Variants in GNB1L observed in about 807,000 individuals in gnomAD.
GNB1L encodes the protein guanine nucleotide-binding protein subunit beta-like protein 1.
In GNB1L, 20 loss-of-function variants were observed where a neutral mutation model predicts 29.1. The ratio of observed to expected loss-of-function variants is 0.69; its 90% confidence interval spans 0.48 to 1.00. The LOEUF is 1.00. Among genes scored for constraint, GNB1L ranks in the 50% least tolerant of loss-of-function variants. The pLI, the probability that GNB1L is intolerant of heterozygous loss-of-function variation, is 0.00. For synonymous variants in GNB1L, 193 were observed against 206.5 expected, an observed-to-expected ratio of 0.93 and a Z score of 0.56; for missense variants, 421 against 464.9, an observed-to-expected ratio of 0.91 and a Z score of 0.87.
In GNB1L at chr22:19,784,955, G is replaced by C. The variant is rs1235353792; in HGVS notation, c.*3754C>G. ...CACCACCAGGCGGACAGTGCCCAGG[G>C]CTGGGGCTCACAGCCACGAGAATCT... On this transcript the variant is annotated 3_prime_UTR_variant, in exon 8 of 8. Transcript: ENST00000329517. The C allele has an allele frequency of 6.6e-6, 1 of 152,308 alleles. No individual in the cohort carries two copies. The allele number at this position is 152,308 out of a possible 1,614,324, so 9.4% of individuals were successfully genotyped here. A position where few individuals can be genotyped will look rare whatever the true frequency, so the allele number is the denominator to read the frequency against.
chr22:19,835,377 A>T (rs1048385908), intron 2 of GNB1L, among the ~76,000 whole-genome samples: 5 of 125,082 alleles, frequency 4.0e-5, no homozygotes, highest in African/African-American at 1.6e-4. Flanking sequence ...AAAATGTAAA[A>T]AAAAAAAAAA....
chr22:19,815,871 G>A (rs892588481), intron 4 of GNB1L, among the ~76,000 whole-genome samples: 2 of 152,198 alleles, frequency 1.3e-5, no homozygotes, highest in African/African-American at 4.8e-5. Flanking sequence ...ACTGTGCCCA[G>A]CTTAACTTTT....
In GNB1L at chr22:19,812,281, T is replaced by G. The variant is rs1569044245; in HGVS notation, c.417+4A>C. ...CATGGGGCCTCAGGCAGGCTGGCTC[T>G]CACCTCGTCGCTGCCCCTCCCTGGC... On this transcript the variant is annotated splice_donor_region_variant and intron_variant, in intron 5 of 7. Coordinates refer to ENST00000329517, the MANE Select transcript of GNB1L (RefSeq NM_053004.3). 6.2e-7 allele frequency: 1 copy of G among 1,611,588 alleles called. No individual in the cohort carries two copies. Among genetic ancestry groups the G allele is most frequent in the African/African-American group, 1.3e-5 (1 of 74,926 alleles).
chr22:19,793,612 A>T (rs1937275424), intron 7 of GNB1L, among the ~76,000 whole-genome samples: 2 of 152,224 alleles, frequency 1.3e-5, no homozygotes, highest in Admixed American at 1.3e-4. Context: ...AAATCTATCT[A>T]GGCACATGAT....
intron 2 of GNB1L, among the ~76,000 whole-genome samples, chr22:19,823,530 G>C (rs1181174700): frequency 6.6e-6 from 1 of 152,188 alleles, no homozygotes; most frequent in Non-Finnish European, 1.5e-5. Flanking sequence ...GCTCCAAGAG[G>C]AGCCAAAGAA....
chr22:19,823,723 C>A (rs1266562323), intron 2 of GNB1L, among the ~76,000 whole-genome samples: 1 of 152,188 alleles, frequency 6.6e-6, no homozygotes, highest in Non-Finnish European at 1.5e-5. Context: ...CACACACATG[C>A]ACATGGTGCA....
chr22:19,851,254 T>TC, intron 2 of GNB1L: 6 of 1,608,168 alleles, frequency 3.7e-6, no homozygotes, highest in Non-Finnish European at 5.1e-6. Flanking sequence ...CCTCCTGGTC[T>TC]CCCTCTGTCT....
intron 2 of GNB1L, among the ~76,000 whole-genome samples, chr22:19,838,978 C>T (rs933481925): frequency 6.6e-6 from 1 of 152,200 alleles, no homozygotes; most frequent in South Asian, 2.1e-4. Context: ...GAATACTATT[C>T]TGCAACAGAA....
At chr22:19,794,358 C>A (rs1937283339) in intron 7 of GNB1L, among the ~76,000 whole-genome samples, 1 of 152,142 alleles carries the variant, frequency 6.6e-6, no homozygotes, top group Non-Finnish European at 1.5e-5. Context: ...AGGGATTGCA[C>A]CAGCACAAGG....
chr22:19,834,286 ACT>A (rs1937728065), intron 2 of GNB1L, among the ~76,000 whole-genome samples: 1 of 152,186 alleles, frequency 6.6e-6, no homozygotes, highest in Non-Finnish European at 1.5e-5. Context: ...AAAGAAAACA[ACT>A]CTATATCTAG....
chr22:19,800,708 CG>C (rs1253418988), intron 7 of GNB1L, among the ~76,000 whole-genome samples: 1 of 150,632 alleles, frequency 6.6e-6, no homozygotes, highest in Non-Finnish European at 1.5e-5. Context: ...GGACAGCTGA[CG>C]GATGGGTGAG....
At chr22:19,820,533 C>A in intron 4 of GNB1L, 65 bp downstream of exon 4, 1 of 1,531,142 alleles carries the variant, frequency 6.5e-7, no homozygotes. Flanking sequence ...GACACCAGAG[C>A]CTCCATCAGA....
chr22:19,833,689 C>T (rs980953254), intron 2 of GNB1L, among the ~76,000 whole-genome samples: 26 of 151,954 alleles, frequency 1.7e-4, no homozygotes, highest in Middle Eastern at 3.4e-3. Context: ...CATGGTGAAA[C>T]CCTGACTCTA....
At chr22:19,789,510 G>A (rs551276280) in intron 7 of GNB1L, among the ~76,000 whole-genome samples, 6 of 151,988 alleles carry the variant, frequency 3.9e-5, no homozygotes, top group East Asian at 1.9e-4. Flanking sequence ...GGCAGGATGA[G>A]GGGGGGACAA....
At chr22:19,804,214 C>G (rs1025303872) in intron 6 of GNB1L, among the ~76,000 whole-genome samples, 1 of 152,272 alleles carries the variant, frequency 6.6e-6, no homozygotes, top group Non-Finnish European at 1.5e-5. Context: ...TGCCTGACCT[C>G]TGCAGGGGAG....
chr22:19,804,525 A>C (rs191874375), intron 6 of GNB1L, among the ~76,000 whole-genome samples: 2 of 152,348 alleles, frequency 1.3e-5, no homozygotes, highest in African/African-American at 4.8e-5. Context: ...TTAGAGGAGC[A>C]AAATAAGAAT....
intron 2 of GNB1L, among the ~76,000 whole-genome samples, chr22:19,843,453 G>A (rs1601350997): frequency 6.6e-6 from 1 of 152,326 alleles, no homozygotes; most frequent in Admixed American, 6.5e-5. Context: ...GGGGAGCCAG[G>A]CACCGCCCCC....
intron 7 of GNB1L, among the ~76,000 whole-genome samples, chr22:19,799,421 G>T (rs1165707006): frequency 6.6e-6 from 1 of 152,204 alleles, no homozygotes; most frequent in Non-Finnish European, 1.5e-5. Context: ...CAGCCTCCTC[G>T]TCACCACCGC....
At chr22:19,853,811 C>G (rs1938170031) in intron 2 of GNB1L, among the ~76,000 whole-genome samples, 2 of 152,172 alleles carry the variant, frequency 1.3e-5, no homozygotes, top group African/African-American at 4.8e-5. Flanking sequence ...GAGTCGAGTC[C>G]AGTCCAGTCC....
Sources: gnomAD v4.1 joint callset for allele counts (sites outside exome capture counted in the v4.1 genomes callset) on GRCh38, gnomAD v4.1.1 for gene constraint, MANE v1.5 for transcripts, NCBI Gene and HGNC (gene_info 2026-07-23, HGNC 2026-07-21) for gene names.